The following CABLES1 variants were observed in gnomAD, a reference collection of about 807,000 sequenced individuals.
The protein encoded by CABLES1 is Cdk5 and Abl enzyme substrate 1.
CABLES1 carries 36 observed loss-of-function variants against 57.8 expected under a neutral mutation model. The observed-to-expected ratio is 0.62, with a 90% confidence interval of 0.48 to 0.82. The LOEUF (loss-of-function observed/expected upper bound fraction) is 0.82, where lower values mean the gene tolerates loss of function less well. CABLES1 is among the 40% of genes least tolerant of loss of function. The pLI is 0.00. For synonymous variants in CABLES1, 374 were observed against 363.0 expected (o/e 1.03, Z -0.35); for missense variants, 767 against 836.6 (o/e 0.92, Z 1.03).
At chr18:23,235,636 T>C (rs2145083408) in intron 5 of CABLES1, among the ~76,000 whole-genome samples, 1 of 152,330 alleles carries the variant, frequency 6.6e-6, no homozygotes, top group Admixed American at 6.5e-5. Flanking sequence ...GTCAAATACA[T>C]TCACATTTCT....
intron 1 of CABLES1, among the ~76,000 whole-genome samples, chr18:23,169,441 A>C (rs545784609): frequency 6.6e-6 from 1 of 152,318 alleles, no homozygotes; most frequent in Admixed American, 6.5e-5. Context: ...TGTTATGTCC[A>C]CTAGGTCCCA....
intron 4 of CABLES1, among the ~76,000 whole-genome samples, chr18:23,232,213 C>T (rs1252964871): frequency 6.6e-6 from 1 of 152,194 alleles, no homozygotes; most frequent in Non-Finnish European, 1.5e-5. Context: ...AAAGATATTC[C>T]CTACTTCTCT....
chr18:23,166,805 C>T (rs141703996), intron 1 of CABLES1, among the ~76,000 whole-genome samples: 1,609 of 152,286 alleles, frequency 0.011, 16 homozygotes, highest in Middle Eastern at 0.034. Flanking sequence ...CCTCCCTTGT[C>T]GTCAGACCCC....
chr18:23,183,705 A>T (rs1323654957), intron 1 of CABLES1, among the ~76,000 whole-genome samples: 1 of 152,102 alleles, frequency 6.6e-6, no homozygotes, highest in African/African-American at 2.4e-5. Flanking sequence ...CTCTTACCAT[A>T]TGTCTACTTG....
intron 1 of CABLES1, among the ~76,000 whole-genome samples, chr18:23,145,568 C>T (rs2046886798): frequency 6.6e-6 from 1 of 152,180 alleles, no homozygotes; most frequent in Non-Finnish European, 1.5e-5. Context: ...TATCTGTCCC[C>T]CTCAAGTTTC....
rs1568064710 is a variant in CABLES1 at position 23,199,941 on chromosome 18, A to C, written c.1010+5401A>C. On this transcript the variant is annotated intron_variant, in intron 3 of 9. Transcript: ENST00000256925. ...CAGAAGCAGAAGGGAAAGGATGGCG[A>C]ATTTCCTGGGATGATGGTACGGGTT... Among the ~76,000 whole-genome samples, 6 of 152,306 alleles carry C rather than the reference A, an allele frequency of 3.9e-5. No homozygotes were observed. In the South Asian group the frequency reaches 1.2e-3, roughly 32 times the overall value.
rs2048196839 is a variant in CABLES1, at chr18:23,257,485, C to T, written c.*118C>T. The T allele has an allele frequency of 8.4e-7, 1 of 1,192,050 alleles. No individual in the cohort carries two copies. The highest frequency in any genetic ancestry group is 1.1e-6 in the Non-Finnish European group (1 of 876,124). The allele number at this position is 1,192,050 out of a possible 1,614,324, so 73.8% of individuals were successfully genotyped here. On this transcript the variant is annotated 3_prime_UTR_variant, in exon 10 of 10. Coordinates refer to ENST00000256925, the MANE Select transcript of CABLES1 (RefSeq NM_001100619.3). Reference sequence around the variant, plus strand: ...AATACCAGACTTTTCTTCCTCTCGACATAGTTTGGGGAGAAGCAGTACTAG... The same window carrying T: ...AATACCAGACTTTTCTTCCTCTCGATATAGTTTGGGGAGAAGCAGTACTAG...
At position 23,135,816 on chromosome 18, in the gene CABLES1, C is replaced by G. The variant is rs2046814366; in HGVS notation, c.54C>G (p.Ala18=). ...CGGCCGCCTGCAGCAGCGGCAGCGC[C>G]GGCACCGACGCCGCGGGCGCCAGCG... is the stretch of plus-strand genomic sequence containing the variant. ...ATTAACSSGS[A]GTDAAGASGL... The change falls in exon 1 of 10, where the codon GCC becomes GCG. Residue 18 remains alanine, a synonymous_variant. Coordinates refer to ENST00000256925, the MANE Select transcript of CABLES1 (RefSeq NM_001100619.3). 1.0e-6 allele frequency: 1 copy of G among 969,176 alleles called. No homozygotes were observed. Among genetic ancestry groups the G allele is most frequent in the Non-Finnish European group, 1.2e-6 (1 of 815,230 alleles). The allele number at this position is 969,176 out of a possible 1,614,324, so 60.0% of individuals were successfully genotyped here.
chr18:23,135,167 G>A (rs1368126149), upstream of CABLES1, among the ~76,000 whole-genome samples: 1 of 150,044 alleles, frequency 6.7e-6, no homozygotes, highest in Non-Finnish European at 1.5e-5. Flanking sequence ...GTGCGAGCGC[G>A]CGGGGGAAAC....
rs550209434 is a variant in CABLES1 at position 23,210,314 on chromosome 18, T to C, written c.1011-3663T>C. ...CAAGTAAAGTGTTGTATGTCACAGG[T>C]GGGGGAAATGATTTGGGCTTTTTGC... On this transcript the variant is annotated intron_variant, in intron 3 of 9. Coordinates refer to ENST00000256925, the MANE Select transcript of CABLES1 (RefSeq NM_001100619.3). Among the ~76,000 whole-genome samples the C allele has an allele frequency of 3.3e-5, 5 of 152,214 alleles. No homozygotes were observed. In the East Asian group the frequency reaches 9.6e-4, roughly 29 times the overall value.
intron 3 of CABLES1, among the ~76,000 whole-genome samples, chr18:23,207,803 T>C (rs1255297534): frequency 6.6e-6 from 1 of 152,190 alleles, no homozygotes; most frequent in East Asian, 1.9e-4. Flanking sequence ...GAGGCCTGCC[T>C]GCAGTATGTC....
At chr18:23,233,379 A>G (rs906857153) in intron 4 of CABLES1, among the ~76,000 whole-genome samples, 1 of 152,188 alleles carries the variant, frequency 6.6e-6, no homozygotes, top group Non-Finnish European at 1.5e-5. Flanking sequence ...GATGTACTAG[A>G]AATGACATTG....
intron 1 of CABLES1, among the ~76,000 whole-genome samples, chr18:23,162,915 T>C (rs1200693826): frequency 6.6e-6 from 1 of 152,150 alleles, no homozygotes; most frequent in African/African-American, 2.4e-5. Context: ...AATGAGAAGA[T>C]AGTGGGTTTG....
At position 23,252,960 on chromosome 18, in the gene CABLES1, A is replaced by G. The variant is rs372963263; in HGVS notation, c.1447A>G (p.Thr483Ala). The G allele has an allele frequency of 4.4e-6, 7 of 1,602,578 alleles. No homozygotes were observed. The highest frequency in any genetic ancestry group is 6.0e-6 in the Non-Finnish European group (7 of 1,169,594). Residue 483 changes from threonine to alanine, a missense_variant and splice_region_variant, in exon 8 of 10, where the codon ACA becomes GCA. By Grantham distance (58) the Thr-to-Ala change is moderately conservative (BLOSUM62 0). Around this residue, in one of 4 missense-constraint regions of CABLES1, gnomAD observed 529 missense variants for 622.8 expected, o/e 0.85. Coordinates refer to ENST00000256925, the MANE Select transcript of CABLES1 (RefSeq NM_001100619.3). ...KRVLIFPSYM[T>A]TVIDYVKPSD... ...ATCCGTGTTCCCCTGTCTGTTACAG[A>G]CAACAGTGATTGACTACGTGAAGCC...
intron 6 of CABLES1, 134 bp downstream of exon 6, chr18:23,236,185 G>A: frequency 1.0e-6 from 1 of 959,874 alleles, no homozygotes; most frequent in Non-Finnish European, 1.5e-6. Context: ...AGGAAAGCCT[G>A]ATCTCAAGCC....
intron 1 of CABLES1, among the ~76,000 whole-genome samples, chr18:23,171,999 C>T (rs990416626): frequency 2.0e-5 from 3 of 152,224 alleles, no homozygotes; most frequent in East Asian, 3.8e-4. Flanking sequence ...CAGCTCACCA[C>T]AGCCTCGACC....
intron 6 of CABLES1, among the ~76,000 whole-genome samples, chr18:23,236,425 G>A (rs1242105493): frequency 6.6e-6 from 1 of 152,170 alleles, no homozygotes; most frequent in Admixed American, 6.5e-5. Flanking sequence ...GGGCTCTGAA[G>A]TGCAGGTTCA....
intron 9 of CABLES1, 125 bp from the exon 10 acceptor site, chr18:23,257,102 G>A: frequency 9.4e-7 from 1 of 1,067,596 alleles, no homozygotes. Context: ...TTCCTCCACA[G>A]AGCTTTGCCC....
intron 9 of CABLES1, among the ~76,000 whole-genome samples, chr18:23,254,614 A>G (rs2048118761): frequency 6.6e-6 from 1 of 152,176 alleles, no homozygotes; most frequent in Admixed American, 6.5e-5. Context: ...TGTATTTCTC[A>G]TAGTTTTGGA....
Sources: gnomAD v4.1 joint callset for allele counts (sites outside exome capture counted in the v4.1 genomes callset) on GRCh38, gnomAD v4.1.1 for gene constraint, gnomAD v4.1.1 regional missense constraint, MANE v1.5 for transcripts, NCBI Gene and HGNC (gene_info 2026-07-23, HGNC 2026-07-21) for gene names.